The following IDE variants were observed in gnomAD, a reference collection of about 807,000 sequenced individuals.
IDE encodes insulin-degrading enzyme.
In IDE, 58 loss-of-function variants were observed where a neutral mutation model predicts 133.2. The ratio of observed to expected loss-of-function variants is 0.44; its 90% CI spans 0.35 to 0.54. The LOEUF is 0.54. Ranked by LOEUF, IDE falls within the 20% of genes least tolerant of loss-of-function variation. The pLI is 0.00. For missense variants in IDE, 981 were observed against 1,234.0 expected (o/e 0.79, Z 3.07); for synonymous variants, 396 against 421.3 (o/e 0.94, Z 0.73).
At position 92,515,003 on chromosome 10, in the gene IDE, C is replaced by T. The variant is rs761558256; in HGVS notation, c.701G>A (p.Gly234Asp). The T allele has an allele frequency of 3.7e-6, 6 of 1,610,756 alleles. No homozygotes were observed. Among genetic ancestry groups the T allele is most frequent in the Admixed American group, 3.3e-5 (2 of 59,956 alleles). Reference protein sequence around the residue: ...YTLETRPNQEGIDVRQELLKF... With the variant: ...YTLETRPNQEDIDVRQELLKF... ...CAGTAGCTCTTGTCTTACATCAATGCCTTCTTGGTTTGGTCTAGTCTCCAG... is the reference window on the plus strand; with the variant it reads ...CAGTAGCTCTTGTCTTACATCAATGTCTTCTTGGTTTGGTCTAGTCTCCAG... Residue 234 changes from glycine (G) to aspartate (D), a missense_variant, in exon 5 of 25, where the codon GGC becomes GAC. Transcript: ENST00000265986.
intron 4 of IDE, among the ~76,000 whole-genome samples, chr10:92,528,224 T>C (rs2135650853): frequency 6.6e-6 from 1 of 152,356 alleles, no homozygotes; most frequent in African/African-American, 2.4e-5. Context: ...TGGGCATCCT[T>C]ATTTTTTCAA....
chr10:92,529,999 G>A (rs1032809001), intron 4 of IDE, among the ~76,000 whole-genome samples: 52 of 152,240 alleles, frequency 3.4e-4, no homozygotes, highest in Non-Finnish European at 3.4e-4. Flanking sequence ...GCCGAGGCAG[G>A]CGGATCACCT....
At chr10:92,496,172 G>C (rs1847691175) in intron 11 of IDE, among the ~76,000 whole-genome samples, 1 of 152,150 alleles carries the variant, frequency 6.6e-6, no homozygotes, top group Non-Finnish European at 1.5e-5. Context: ...ACCACGCCTG[G>C]CCTAAAGTGT....
chr10:92,558,987 T>C (rs982624795), intron 1 of IDE: 1 of 149,476 alleles, frequency 6.7e-6, no homozygotes, highest in Admixed American at 6.7e-5. Flanking sequence ...GACATTTCTC[T>C]AAAGAAGATA....
At chr10:92,461,677 T>TG (rs1242947961) in intron 21 of IDE, among the ~76,000 whole-genome samples, 2 of 151,768 alleles carry the variant, frequency 1.3e-5, no homozygotes, top group Non-Finnish European at 2.9e-5. Context: ...ATTTTTTTTT[T>TG]TTTTTGAGAT....
At chr10:92,517,290 T>C (rs1848982037) in intron 4 of IDE, among the ~76,000 whole-genome samples, 1 of 152,224 alleles carries the variant, frequency 6.6e-6, no homozygotes, top group African/African-American at 2.4e-5. Context: ...GAAGACAGAA[T>C]GTGCAAGAAA....
chr10:92,454,264 T>C lies in IDE; in HGVS notation c.*180A>G, dbSNP rs1292643886. 2.0e-6 allele frequency: 1 copy of C among 494,114 alleles called. No individual in the cohort carries two copies. The allele number at this position is 494,114 out of a possible 1,614,324, so 30.6% of individuals were successfully genotyped here. On this transcript the variant is annotated 3_prime_UTR_variant, in exon 25 of 25. Coordinates refer to ENST00000265986, the MANE Select transcript of IDE (RefSeq NM_004969.4). ...GCATGTATTTAAAAAATATTCTACA[T>C]CTATAAGATTTTGTAATTTACTTTG...
intron 17 of IDE, among the ~76,000 whole-genome samples, chr10:92,471,878 T>C (rs1845986134): frequency 6.6e-6 from 1 of 152,116 alleles, no homozygotes; most frequent in African/African-American, 2.4e-5. Flanking sequence ...TTTGTATTTT[T>C]TGTAGAGATG....
rs571287408 is a variant in IDE, at chr10:92,514,923, G to T, written c.781C>A (p.Arg261=). 4 of 1,609,440 alleles carry T rather than the reference G, an allele frequency of 2.5e-6. No homozygotes were observed. The highest frequency in any genetic ancestry group is 2.7e-5 in the African/African-American group (2 of 74,786). The change falls in exon 5 of 25, where the codon CGA becomes AGA. Residue 261 remains arginine (R), a synonymous_variant. Transcript: ENST00000265986. ...SNLMAVCVLG[R]ESLDDLTNLV... ...AAAAAATTGTAAGGGTTCTTACCTCGACCTAAAACACAAACAGCCATTAAG... is the reference window on the plus strand; with the variant it reads ...AAAAAATTGTAAGGGTTCTTACCTCTACCTAAAACACAAACAGCCATTAAG...
At chr10:92,485,125 C>CTTTCTTTTTTTTTTTTTTTTT (rs371286432) in intron 13 of IDE, among the ~76,000 whole-genome samples, 1 of 100,860 alleles carries the variant, frequency 9.9e-6, no homozygotes, top group African/African-American at 3.9e-5. Context: ...TTCTTTCTTT[C>CTTTCTTTTTTTTTTTTTTTTT]TTTTTTTTTT....
chr10:92,487,010 G>C (rs1847036513), intron 13 of IDE, among the ~76,000 whole-genome samples, 186 bp downstream of exon 13: 1 of 152,098 alleles, frequency 6.6e-6, no homozygotes, highest in Non-Finnish European at 1.5e-5. Flanking sequence ...AGTTTTGTTT[G>C]CTTGCTTTAA....
Position 92,459,824 on chromosome 10 carries a change from C to CTTTTTTT in IDE, c.2823+1360_2823+1366dup, listed in dbSNP as rs901315055. Among the ~76,000 whole-genome samples, 3 of 92,782 alleles carry CTTTTTTT rather than the reference C, an allele frequency of 3.2e-5. 1 individual carries two copies. The highest frequency in any genetic ancestry group is 8.8e-5 in the African/African-American group (2 of 22,716). 60.9% of individuals were successfully genotyped at this position (92,782 alleles called of 152,430 possible). ...GGGAAGATTTAGATGGTGTGAACCT[C>CTTTTTTT]TTTTTTTTTTTTTTTTTTTTTTTGA... On this transcript the variant is annotated intron_variant, in intron 22 of 24. Transcript: ENST00000265986.
intron 5 of IDE, among the ~76,000 whole-genome samples, chr10:92,510,553 T>C (rs1378737524): frequency 2.0e-5 from 3 of 151,988 alleles, no homozygotes; most frequent in African/African-American, 7.2e-5. Flanking sequence ...ATTTTATTTA[T>C]AAAAGACGCC....
chr10:92,512,286 T>C (rs890804476), intron 5 of IDE, among the ~76,000 whole-genome samples: 2 of 152,232 alleles, frequency 1.3e-5, no homozygotes, highest in Non-Finnish European at 2.9e-5. Context: ...GATTATCTTT[T>C]AATCCTCCAA....
chr10:92,553,353 G>C (rs769262185), intron 1 of IDE, among the ~76,000 whole-genome samples: 19 of 151,850 alleles, frequency 1.3e-4, no homozygotes, highest in Non-Finnish European at 8.8e-5. Flanking sequence ...GAACTTGGGA[G>C]GCAGAGGTTG....
intron 4 of IDE, among the ~76,000 whole-genome samples, chr10:92,524,245 C>T (rs901612940): frequency 9.8e-5 from 13 of 133,154 alleles, no homozygotes; most frequent in African/African-American, 2.9e-4. Context: ...GTGGAGGTTA[C>T]GGTAAGCTGA....
At position 92,547,989 on chromosome 10, in the gene IDE, G is replaced by A. The variant is rs374972714; in HGVS notation, c.99-10439C>T. On this transcript the variant is annotated intron_variant, in intron 1 of 24. Transcript: ENST00000265986. The stretch of plus-strand genomic sequence containing the variant: ...TGAACTTGAACACCCAGGCCCAAGC[G>A]ATCCTCCCATCTCAGCCTCCCAAGT... Among the ~76,000 whole-genome samples the A allele has an allele frequency of 1.1e-3, 166 of 152,118 alleles. No individual in the cohort carries two copies. The Middle Eastern group carries it at 0.02, about 19-fold the overall frequency.
intron 1 of IDE, among the ~76,000 whole-genome samples, chr10:92,550,588 T>G (rs1842732294): frequency 6.7e-6 from 1 of 149,174 alleles, no homozygotes; most frequent in Non-Finnish European, 1.5e-5. Context: ...GAGGCGGAGC[T>G]TGCAGTGAGC....
chr10:92,485,866 C>G (rs774415398), intron 13 of IDE, among the ~76,000 whole-genome samples: 21 of 151,972 alleles, frequency 1.4e-4, no homozygotes, highest in Non-Finnish European at 2.5e-4. Flanking sequence ...GGTTTGAACC[C>G]AGGAGTTTGA....
Sources: gnomAD v4.1 joint callset for allele counts (sites outside exome capture counted in the v4.1 genomes callset) on GRCh38, gnomAD v4.1.1 for gene constraint, MANE v1.5 for transcripts, NCBI Gene and HGNC (gene_info 2026-07-23, HGNC 2026-07-21) for gene names.